The following UBE2W variants were observed in gnomAD, a reference collection of about 807,000 sequenced individuals.
UBE2W encodes ubiquitin conjugating enzyme E2 W.
UBE2W carries 18 observed loss-of-function variants against 27.2 expected under a neutral mutation model. That is an observed-to-expected ratio of 0.66 (90% CI 0.46 to 0.98). The LOEUF is 0.98. Ranked by LOEUF, UBE2W falls within the 50% of genes least tolerant of loss-of-function variation. The pLI, the probability that UBE2W is intolerant of heterozygous loss-of-function variation, is 0.00. For missense variants in UBE2W, 90 were observed against 180.2 expected (o/e 0.50, Z 2.87); for synonymous variants, 53 against 57.2 (o/e 0.93, Z 0.33).
intron 1 of UBE2W, among the ~76,000 whole-genome samples, chr8:73,861,586 G>C (rs995501206): frequency 6.6e-6 from 1 of 152,122 alleles, no homozygotes. Context: ...GAGATCCCAG[G>C]CATGAGCCAT....
chr8:73,784,225 GTGT>G (rs1322539620), downstream of UBE2W, among the ~76,000 whole-genome samples: 2 of 152,126 alleles, frequency 1.3e-5, no homozygotes, highest in Non-Finnish European at 2.9e-5. Flanking sequence ...TGGACTCCAT[GTGT>G]TGATTTTTCC....
At chr8:73,811,805 A>T (rs1225549027) in intron 3 of UBE2W, among the ~76,000 whole-genome samples, 5 of 152,166 alleles carry the variant, frequency 3.3e-5, no homozygotes, top group Non-Finnish European at 5.9e-5. Context: ...GCAGAAACTG[A>T]TAAAAGATAT....
chr8:73,812,987 A>G (rs1025692126), intron 3 of UBE2W, among the ~76,000 whole-genome samples: 2 of 149,674 alleles, frequency 1.3e-5, no homozygotes, highest in Non-Finnish European at 3.0e-5. Flanking sequence ...CCTGGGCGAC[A>G]AGAGCGAAAC....
chr8:73,877,046 A>G (rs1395195535), intron 1 of UBE2W, among the ~76,000 whole-genome samples: 1 of 152,248 alleles, frequency 6.6e-6, no homozygotes, highest in Admixed American at 6.5e-5. Context: ...TGCCTTTTCC[A>G]GATACTAAAT....
intron 1 of UBE2W, among the ~76,000 whole-genome samples, chr8:73,858,434 G>T (rs1040289020): frequency 1.0e-4 from 15 of 149,672 alleles, no homozygotes; most frequent in African/African-American, 3.4e-4. Context: ...TAAGAAATAT[G>T]AAAAGTACAA....
intron 2 of UBE2W, among the ~76,000 whole-genome samples, chr8:73,829,313 C>G (rs993883365): frequency 6.6e-6 from 1 of 151,952 alleles, no homozygotes; most frequent in Non-Finnish European, 1.5e-5. Context: ...ATAGGGACAG[C>G]TGTTACAGGA....
intron 5 of UBE2W, among the ~76,000 whole-genome samples, chr8:73,795,355 C>T (rs1808370793): frequency 6.6e-6 from 1 of 152,084 alleles, no homozygotes; most frequent in Non-Finnish European, 1.5e-5. Flanking sequence ...GGGGCTGGGA[C>T]CTCCTTCCTG....
intron 1 of UBE2W, among the ~76,000 whole-genome samples, 172 bp from the exon 2 acceptor site, chr8:73,830,644 G>T (rs1810030558): frequency 6.7e-6 from 1 of 150,278 alleles, no homozygotes; most frequent in Admixed American, 6.6e-5. Flanking sequence ...ACACCACAAT[G>T]CCCAGCTAAT....
At chr8:73,873,135 C>T (rs936390868) in intron 1 of UBE2W, among the ~76,000 whole-genome samples, 2 of 152,172 alleles carry the variant, frequency 1.3e-5, no homozygotes, top group African/African-American at 4.8e-5. Context: ...TCTCGATCTC[C>T]TGACCTCAGG....
chr8:73,811,512 A>G (rs1424747714), intron 3 of UBE2W, among the ~76,000 whole-genome samples: 1 of 152,200 alleles, frequency 6.6e-6, no homozygotes, highest in Admixed American at 6.5e-5. Flanking sequence ...ACTGTGTACT[A>G]TATTTATTCT....
At chr8:73,873,591 G>A (rs1172316303) in intron 1 of UBE2W, among the ~76,000 whole-genome samples, 2 of 152,178 alleles carry the variant, frequency 1.3e-5, no homozygotes, top group African/African-American at 4.8e-5. Flanking sequence ...GGGAGGACAA[G>A]GGTGCAGTGA....
chr8:73,855,996 T>C (rs567592912), intron 1 of UBE2W, among the ~76,000 whole-genome samples: 2 of 152,200 alleles, frequency 1.3e-5, no homozygotes, highest in Admixed American at 6.5e-5. Flanking sequence ...GTTTTATACA[T>C]AGTTTATATT....
chr8:73,857,527 C>A (rs1297347892), intron 1 of UBE2W, among the ~76,000 whole-genome samples: 2 of 152,020 alleles, frequency 1.3e-5, no homozygotes, highest in Non-Finnish European at 2.9e-5. Context: ...TTCTTAAAAA[C>A]AACTTTTGGG....
chr8:73,838,006 G>A (rs1253009027), intron 1 of UBE2W, among the ~76,000 whole-genome samples: 1 of 152,096 alleles, frequency 6.6e-6, no homozygotes, highest in East Asian at 1.9e-4. Flanking sequence ...CTCAAATCTG[G>A]AGAAAACCTG....
chr8:73,781,929 CTTTTTTTTTTTTTTTTT>C (rs71269945), downstream of UBE2W, among the ~76,000 whole-genome samples: 4 of 96,004 alleles, frequency 4.2e-5, no homozygotes, highest in Middle Eastern at 6.3e-3. Flanking sequence ...TAAAAGCCTC[CTTTTTTTTTTTTTTTTT>C]TTTTTTTTTT....
intron 4 of UBE2W, among the ~76,000 whole-genome samples, chr8:73,806,046 T>C (rs575492772): frequency 9.3e-4 from 142 of 152,166 alleles, no homozygotes; most frequent in African/African-American, 3.2e-3. Flanking sequence ...TCCCAGCTAC[T>C]TGGGAGGCTG....
At chr8:73,870,984 A>G (rs1213971554) in intron 1 of UBE2W, among the ~76,000 whole-genome samples, 2 of 152,138 alleles carry the variant, frequency 1.3e-5, no homozygotes, top group African/African-American at 4.8e-5. Flanking sequence ...AGGCTATAAC[A>G]TGGATTTTGG....
Position 73,791,665 on chromosome 8 carries a change from C to G in UBE2W, c.*2437G>C, listed in dbSNP as rs1384505421. On this transcript the variant is annotated 3_prime_UTR_variant, in exon 6 of 6. Transcript: ENST00000602593. ...AATGTAACTAACATATAAATTAAAT[C>G]TAAGTGCAAGGAGTTTTCAATGATT... 1.1e-5 allele frequency: 11 copies of G among 984,872 alleles called. No individual in the cohort carries two copies. The highest frequency in any genetic ancestry group is 1.7e-5 in the African/African-American group (1 of 57,210). The allele number at this position is 984,872 out of a possible 1,614,324, so 61.0% of individuals were successfully genotyped here. A position where few individuals can be genotyped will look rare whatever the true frequency, so the allele number is the denominator to read the frequency against.
chr8:73,820,318 AT>A (rs1563591004), intron 3 of UBE2W, among the ~76,000 whole-genome samples: 2 of 152,188 alleles, frequency 1.3e-5, no homozygotes, highest in Non-Finnish European at 2.9e-5. Context: ...AACTATATAG[AT>A]TATGTATAAA....
Sources: allele counts gnomAD v4.1 joint callset (sites outside exome capture counted in the v4.1 genomes callset), GRCh38; gene constraint gnomAD v4.1.1; transcripts MANE v1.5; gene names NCBI Gene and HGNC (gene_info 2026-07-23, HGNC 2026-07-21).